SOX5: variants seen among roughly 807,000 people sequenced by gnomAD.
SOX5 encodes the protein transcription factor SOX-5.
In SOX5, 9 loss-of-function variants were observed where a neutral mutation model predicts 92.0. The observed-to-expected ratio is 0.10, with a 90% CI of 0.06 to 0.17. The LOEUF (loss-of-function observed/expected upper bound fraction) is 0.17, where lower values mean the gene tolerates loss of function less well. SOX5 is among the 10% of genes least tolerant of loss of function. SOX5 has a pLI of 1.00. For missense variants in SOX5, 642 were observed against 944.5 expected (o/e 0.68, Z 4.20); for synonymous variants, 344 against 336.3 (o/e 1.02, Z -0.25).
rs184288542 is a variant in SOX5, at chr12:24,005,649, T to C, written c.-1-109625A>G. 6.0e-3 allele frequency among the ~76,000 whole-genome samples: 914 copies of C among 152,290 alleles called. 11 individuals carry two copies. Among genetic ancestry groups the C allele is most frequent in the Admixed American group, 7.3e-3 (112 of 15,294 alleles). On this transcript the variant is annotated intron_variant, in intron 4 of 4. Coordinates refer to the SOX5 transcript ENST00000446891. ...CCCTTTAGTTTATATGTTTTCCTCATGATATTTCTTTAAAATCCATTACTA... is the reference window on the plus strand; with the variant it reads ...CCCTTTAGTTTATATGTTTTCCTCACGATATTTCTTTAAAATCCATTACTA...
rs561469983 is a variant in SOX5 at position 24,368,363 on chromosome 12, C to G, written c.-174+200G>C. Reference sequence around the variant, plus strand: ...ACTACAGAATCTACAAAAATTGAACCTGTTTTTTATTGATTTGGTTATATG... The same window carrying G: ...ACTACAGAATCTACAAAAATTGAACGTGTTTTTTATTGATTTGGTTATATG... On this transcript the variant is annotated intron_variant, in intron 2 of 4. Coordinates refer to the SOX5 transcript ENST00000446891. 4.6e-5 allele frequency: 7 copies of G among 152,202 alleles called. No individual in the cohort carries two copies. In the East Asian group the frequency reaches 9.6e-4, roughly 21 times the overall value. 9.4% of individuals were successfully genotyped at this position (152,202 alleles called of 1,614,324 possible).
intron 1 of SOX5, among the ~76,000 whole-genome samples, chr12:24,558,098 A>G (rs2139048206): frequency 6.6e-6 from 1 of 152,298 alleles, no homozygotes; most frequent in Admixed American, 6.5e-5. Context: ...GTTTATCTCT[A>G]TGGAATTAGA....
chr12:23,835,092 A>T (rs1351099778), intron 3 of SOX5, among the ~76,000 whole-genome samples: 1 of 151,852 alleles, frequency 6.6e-6, no homozygotes, highest in Non-Finnish European at 1.5e-5. Context: ...CACATTTATG[A>T]CCACTGCTGG....
chr12:24,245,863 G>C (rs1938592998), intron 3 of SOX5, among the ~76,000 whole-genome samples: 1 of 152,080 alleles, frequency 6.6e-6, no homozygotes, highest in African/African-American at 2.4e-5. Context: ...TACAGAAACA[G>C]TAAAGAAAAA....
intron 4 of SOX5, among the ~76,000 whole-genome samples, chr12:24,084,032 G>T (rs12370116): frequency 0.035 from 5,380 of 152,088 alleles, 112 homozygotes; most frequent in Middle Eastern, 0.048. Context: ...AGTGCAAGAG[G>T]AAAGGAGGAA....
At chr12:23,989,101 C>T (rs1000683650) in intron 4 of SOX5, among the ~76,000 whole-genome samples, 1 of 151,054 alleles carries the variant, frequency 6.6e-6, no homozygotes, top group Non-Finnish European at 1.5e-5. Context: ...AGGCCACGTG[C>T]GTTGGCTCAT....
intron 8 of SOX5, among the ~76,000 whole-genome samples, chr12:23,624,595 G>A (rs548885917): frequency 1.3e-5 from 2 of 152,262 alleles, no homozygotes; most frequent in South Asian, 2.1e-4. Context: ...CTATTACAAT[G>A]TAAGACACCT....
chr12:24,222,590 A>G (rs1960745344), intron 3 of SOX5, among the ~76,000 whole-genome samples: 1 of 152,190 alleles, frequency 6.6e-6, no homozygotes, highest in South Asian at 2.1e-4. Flanking sequence ...ACCATGTAAA[A>G]GCGATATATC....
intron 6 of SOX5, among the ~76,000 whole-genome samples, chr12:23,669,503 C>T (rs377540653): frequency 2.0e-5 from 3 of 151,716 alleles, no homozygotes; most frequent in African/African-American, 7.3e-5. Context: ...TGGGGAATCA[C>T]GGAGGGATTA....
intron 1 of SOX5, among the ~76,000 whole-genome samples, chr12:24,521,674 A>T (rs1950275603): frequency 6.6e-6 from 1 of 152,190 alleles, no homozygotes; most frequent in South Asian, 2.1e-4. Flanking sequence ...AAATTCACAA[A>T]CGCATGGAAA....
At chr12:24,339,163 C>CACACACACACA (rs1952273837) in intron 2 of SOX5, among the ~76,000 whole-genome samples, 2 of 140,382 alleles carry the variant, frequency 1.4e-5, no homozygotes, top group Admixed American at 7.2e-5. Context: ...TCTCTCTCTG[C>CACACACACACA]CACACACACA....
intron 1 of SOX5, among the ~76,000 whole-genome samples, chr12:24,508,967 AAG>A (rs1949054786): frequency 6.6e-6 from 1 of 152,164 alleles, no homozygotes; most frequent in East Asian, 1.9e-4. Flanking sequence ...GAGGAAAAGA[AAG>A]TTCGGAAATT....
intron 6 of SOX5, among the ~76,000 whole-genome samples, chr12:23,710,932 T>C (rs541191796): frequency 1.3e-5 from 2 of 152,310 alleles, no homozygotes; most frequent in East Asian, 1.9e-4. Flanking sequence ...TGATCACCAT[T>C]CTAACTGGTG....
At chr12:24,141,399 T>C (rs1593541433) in intron 4 of SOX5, among the ~76,000 whole-genome samples, 1 of 152,196 alleles carries the variant, frequency 6.6e-6, no homozygotes, top group South Asian at 2.1e-4. Context: ...GACAGGAAGT[T>C]AGAAGGTTTT....
upstream of SOX5, chr12:23,950,904 C>T (rs1399606351): frequency 8.5e-6 from 13 of 1,534,296 alleles, no homozygotes; most frequent in Non-Finnish European, 1.1e-5. Flanking sequence ...CTGCCCCGTG[C>T]ACCGCAGCAT....
chr12:23,719,788 C>CAAAAAAAAAAA (rs33914230), intron 6 of SOX5, among the ~76,000 whole-genome samples: 1 of 64,174 alleles, frequency 1.6e-5, no homozygotes. Flanking sequence ...AGCTATTTAC[C>CAAAAAAAAAAA]AAAAAAAAAA....
intron 2 of SOX5, among the ~76,000 whole-genome samples, chr12:23,874,968 T>C (rs1249374532): frequency 6.6e-6 from 1 of 152,242 alleles, no homozygotes; most frequent in Admixed American, 6.5e-5. Flanking sequence ...CAGGCTTTAA[T>C]GTGGCCTACG....
intron 1 of SOX5, among the ~76,000 whole-genome samples, chr12:24,530,675 T>G (rs895284088): frequency 6.6e-6 from 1 of 150,472 alleles, no homozygotes; most frequent in African/African-American, 2.5e-5. Context: ...TAGTTTTCAT[T>G]GCCTTCTCTA....
intron 4 of SOX5, among the ~76,000 whole-genome samples, chr12:24,012,331 A>G (rs551795018): frequency 3.2e-4 from 49 of 152,290 alleles, no homozygotes; most frequent in African/African-American, 1.1e-3. Context: ...TCACAAAGGT[A>G]ACTTACATCA....
Sources: gnomAD v4.1 joint callset for allele counts (sites outside exome capture counted in the v4.1 genomes callset) on GRCh38, gnomAD v4.1.1 for gene constraint, MANE v1.5 for transcripts, NCBI Gene and HGNC (gene_info 2026-07-23, HGNC 2026-07-21) for gene names.